MDGA2: variants seen among roughly 807,000 people sequenced by gnomAD.
MDGA2 encodes the protein MAM domain-containing glycosylphosphatidylinositol anchor protein 2.
In MDGA2, 40 loss-of-function variants were observed where a neutral mutation model predicts 117.8. The observed-to-expected ratio is 0.34, with a 90% CI of 0.26 to 0.44. MDGA2 has a LOEUF of 0.44. Among genes scored for constraint, MDGA2 ranks in the 20% least tolerant of loss-of-function variants. The pLI is 1.00. For synonymous variants in MDGA2, 452 were observed against 439.0 expected, an observed-to-expected ratio of 1.03 and a Z score of -0.37; for missense variants, 1,123 against 1,250.6, an observed-to-expected ratio of 0.90 and a Z score of 1.54.
intron 1 of MDGA2, among the ~76,000 whole-genome samples, chr14:47,546,251 G>T (rs2138766740): frequency 6.6e-6 from 1 of 152,128 alleles, no homozygotes; most frequent in African/African-American, 2.4e-5. Context: ...ATCTAGTAAG[G>T]ATAGGAAATA....
chr14:47,289,304 TACACACACACACACACAC>T, intron 2 of MDGA2, among the ~76,000 whole-genome samples: 1 of 140,618 alleles, frequency 7.1e-6, no homozygotes. Flanking sequence ...TTTCTGGACT[TACACACACACACACACAC>T]ACACACACAC....
At chr14:47,247,155 G>T (rs111511237) in intron 2 of MDGA2, among the ~76,000 whole-genome samples, 1 of 151,738 alleles carries the variant, frequency 6.6e-6, no homozygotes, top group Non-Finnish European at 1.5e-5. Flanking sequence ...TTTAAACCTT[G>T]CAGGACAAGA....
chr14:47,654,756 T>C (rs191599983), intron 1 of MDGA2, among the ~76,000 whole-genome samples: 6 of 152,086 alleles, frequency 3.9e-5, no homozygotes, highest in Non-Finnish European at 8.8e-5. Flanking sequence ...AACCCAGCAA[T>C]GAAGGTGCTT....
At chr14:47,079,924 G>T (rs36024347) in intron 6 of MDGA2, among the ~76,000 whole-genome samples, 49,112 of 151,188 alleles carry the variant, frequency 0.32, 8,496 homozygotes, top group East Asian at 0.52. Flanking sequence ...GTAGAGACGG[G>T]GTTTCACCGT....
chr14:47,619,097 C>T (rs530908329), intron 1 of MDGA2, among the ~76,000 whole-genome samples: 17 of 145,370 alleles, frequency 1.2e-4, no homozygotes, highest in Non-Finnish European at 2.5e-4. Context: ...ATAATAGCAT[C>T]TCTGAGCCTC....
chr14:47,190,631 C>G (rs1467854898), intron 3 of MDGA2, among the ~76,000 whole-genome samples: 1 of 152,158 alleles, frequency 6.6e-6, no homozygotes, highest in Non-Finnish European at 1.5e-5. Flanking sequence ...ACCTGTACAA[C>G]ATGTAACATT....
chr14:47,074,126 CATTA>C (rs1449099491), intron 6 of MDGA2, among the ~76,000 whole-genome samples: 1 of 122,570 alleles, frequency 8.2e-6, no homozygotes, highest in Non-Finnish European at 1.7e-5. Flanking sequence ...TTTAATTAAT[CATTA>C]ATTAAAACAA....
chr14:47,637,084 T>C (rs1312700199), intron 1 of MDGA2, among the ~76,000 whole-genome samples: 7 of 152,210 alleles, frequency 4.6e-5, no homozygotes, highest in African/African-American at 1.7e-4. Context: ...TACACCCCTT[T>C]TCACATTTCA....
intron 1 of MDGA2, among the ~76,000 whole-genome samples, chr14:47,531,939 A>G (rs1302331556): frequency 2.6e-5 from 4 of 152,248 alleles, no homozygotes; most frequent in African/African-American, 9.6e-5. Context: ...AAAGACCAAC[A>G]AACATATTAC....
intron 1 of MDGA2, among the ~76,000 whole-genome samples, chr14:47,503,419 A>AC: frequency 7.3e-6 from 1 of 136,736 alleles, no homozygotes. Context: ...ATCCTCTACT[A>AC]CCTTTTTTTT....
chr14:47,590,390 T>C (rs959569148), intron 1 of MDGA2, among the ~76,000 whole-genome samples: 11 of 151,820 alleles, frequency 7.2e-5, no homozygotes, highest in African/African-American at 1.7e-4. Flanking sequence ...TAAGGATGAG[T>C]TGGAATTTGA....
chr14:47,204,830 A>G (rs892313719), intron 3 of MDGA2, among the ~76,000 whole-genome samples: 2 of 151,990 alleles, frequency 1.3e-5, no homozygotes, highest in South Asian at 2.1e-4. Flanking sequence ...TATATATTCT[A>G]AAACAATTTT....
chr14:47,528,145 C>G lies in MDGA2; in HGVS notation c.280+146372G>C, dbSNP rs548430980. On this transcript the variant is annotated intron_variant, in intron 1 of 16. Transcript: ENST00000399232. Reference sequence around the variant, plus strand: ...AAATAAAACCACCACATCCTTTTCACAAGAACTGAGGCCAGGTCAGGCCTG... The same window carrying G: ...AAATAAAACCACCACATCCTTTTCAGAAGAACTGAGGCCAGGTCAGGCCTG... Among the ~76,000 whole-genome samples the G allele has an allele frequency of 5.9e-5, 9 of 152,338 alleles. No homozygotes were observed. The East Asian group carries it at 1.7e-3, about 29-fold the overall frequency.
At chr14:47,224,410 C>T (rs1166689035) in intron 2 of MDGA2, among the ~76,000 whole-genome samples, 1 of 151,948 alleles carries the variant, frequency 6.6e-6, no homozygotes, top group African/African-American at 2.4e-5. Flanking sequence ...ATATTAAAAA[C>T]CTGAAGCATA....
At chr14:46,902,610 A>G (rs940592423) in intron 10 of MDGA2, among the ~76,000 whole-genome samples, 2 of 152,238 alleles carry the variant, frequency 1.3e-5, no homozygotes, top group African/African-American at 4.8e-5. Context: ...TAAGGTAAGC[A>G]TAGCATTGTA....
chr14:47,597,677 C>T (rs1390801046), intron 1 of MDGA2, among the ~76,000 whole-genome samples: 1 of 151,966 alleles, frequency 6.6e-6, no homozygotes, highest in Non-Finnish European at 1.5e-5. Context: ...ACACCTTTCT[C>T]CTAATTATTA....
At chr14:46,920,815 A>G (rs1884098537) in intron 9 of MDGA2, among the ~76,000 whole-genome samples, 1 of 152,218 alleles carries the variant, frequency 6.6e-6, no homozygotes, top group Admixed American at 6.5e-5. Context: ...GAAAACAATT[A>G]GTGGAAATGA....
chr14:47,186,957 T>C (rs1383733515), intron 3 of MDGA2, among the ~76,000 whole-genome samples: 1 of 152,036 alleles, frequency 6.6e-6, no homozygotes, highest in Non-Finnish European at 1.5e-5. Context: ...AATGTGGCTC[T>C]GTTTCTACAA....
In MDGA2 at chr14:47,184,048, C is replaced by T. The variant is rs367983898; in HGVS notation, c.595+33973G>A. ...GCAATTTAGAGGAAAGACTGTATTT[C>T]CTCTATTACACATTCACTATATATA... On this transcript the variant is annotated intron_variant, in intron 3 of 16. Coordinates refer to ENST00000399232, the MANE Select transcript of MDGA2 (RefSeq NM_001113498.3). Among the ~76,000 whole-genome samples, 6 of 152,054 alleles carry T rather than the reference C, an allele frequency of 3.9e-5. No individual in the cohort carries two copies. The East Asian group carries it at 9.7e-4, about 24-fold the overall frequency.
Sources: gnomAD v4.1 joint callset for allele counts (sites outside exome capture counted in the v4.1 genomes callset) on GRCh38, gnomAD v4.1.1 for gene constraint, MANE v1.5 for transcripts, NCBI Gene and HGNC (gene_info 2026-07-23, HGNC 2026-07-21) for gene names.